Variants in UHRF2 observed in about 807,000 individuals in gnomAD.
The protein encoded by UHRF2 is E3 ubiquitin-protein ligase UHRF2.
In UHRF2, 23 loss-of-function variants were observed where a neutral mutation model predicts 96.8. The observed-to-expected ratio is 0.24, with a 90% CI of 0.17 to 0.34. The LOEUF (loss-of-function observed/expected upper bound fraction) is 0.34. UHRF2 is among the 10% of genes least tolerant of loss of function. UHRF2 has a pLI of 1.00. For synonymous variants in UHRF2, 385 were observed against 332.6 expected, an observed-to-expected ratio of 1.16 and a Z score of -1.72; for missense variants, 685 against 981.5, an observed-to-expected ratio of 0.70 and a Z score of 4.04.
intron 9 of UHRF2, among the ~76,000 whole-genome samples, chr9:6,492,062 A>G (rs1367998315): frequency 2.6e-5 from 4 of 152,120 alleles, no homozygotes; most frequent in Non-Finnish European, 5.9e-5. Context: ...CTGAAATAAT[A>G]TGGTTTGAGC....
At chr9:6,428,806 C>T (rs963762498) in intron 2 of UHRF2, among the ~76,000 whole-genome samples, 1 of 152,046 alleles carries the variant, frequency 6.6e-6, no homozygotes, top group Non-Finnish European at 1.5e-5. Context: ...GCCACTTCCT[C>T]CCAAAGTGCT....
rs114255945 is a variant in UHRF2, at chr9:6,441,574, C to G, written c.644+7401C>G. On this transcript the variant is annotated intron_variant, in intron 3 of 15. Coordinates refer to ENST00000276893, the MANE Select transcript of UHRF2 (RefSeq NM_152896.3). Reference sequence around the variant, plus strand: ...TAAATTCCTTTTGACCCAGCCTTATCCATTACTATCAGGCAACTGCTGCCA... The same window carrying G: ...TAAATTCCTTTTGACCCAGCCTTATGCATTACTATCAGGCAACTGCTGCCA... 8.3e-3 allele frequency among the ~76,000 whole-genome samples: 1,270 copies of G among 152,138 alleles called. 18 individuals are homozygous for G. Among genetic ancestry groups the G allele is most frequent in the African/African-American group, 0.029 (1,194 of 41,508 alleles).
chr9:6,483,794 A>G (rs111746231), intron 8 of UHRF2, among the ~76,000 whole-genome samples: 2,706 of 152,110 alleles, frequency 0.018, 73 homozygotes, highest in African/African-American at 0.062. Context: ...GGTTCAAGCA[A>G]TTCTCCTGCC....
intron 3 of UHRF2, among the ~76,000 whole-genome samples, chr9:6,451,457 T>G (rs368493251): frequency 0.023 from 438 of 18,994 alleles, 2 homozygotes; most frequent in African/African-American, 0.028. Context: ...TCTTACCTAG[T>G]TTTTTTTTGT....
At chr9:6,460,243 A>G (rs1231127841) in intron 3 of UHRF2, among the ~76,000 whole-genome samples, 1 of 152,228 alleles carries the variant, frequency 6.6e-6, no homozygotes, top group Non-Finnish European at 1.5e-5. Context: ...AAAATTGTAT[A>G]TAGCTCCCTC....
intron 2 of UHRF2, among the ~76,000 whole-genome samples, chr9:6,424,466 A>T (rs1820125215): frequency 6.6e-6 from 1 of 152,184 alleles, no homozygotes; most frequent in African/African-American, 2.4e-5. Flanking sequence ...ACCAATACTT[A>T]ATACATTTTT....
Position 6,475,472 on chromosome 9 carries a change from C to T in UHRF2, c.945C>T (p.Pro315=), listed in dbSNP as rs2130892130. The T allele has an allele frequency of 6.3e-7, 1 of 1,594,566 alleles. No individual in the cohort carries two copies. The highest frequency in any genetic ancestry group is 8.5e-7 in the Non-Finnish European group (1 of 1,169,868). The change falls in exon 5 of 16, where the codon CCC becomes CCT. Residue 315 remains proline (P), a synonymous_variant. Transcript: ENST00000276893. ...AGATTGAGAGACCTGGAGCCCATCCCCTTTCATTTGCAGATGGAAAGTTTT... is the reference window on the plus strand; with the variant it reads ...AGATTGAGAGACCTGGAGCCCATCCTCTTTCATTTGCAGATGGAAAGTTTT... ...IFKIERPGAH[P]LSFADGKFLR... is the part of the protein sequence containing the mutation.
chr9:6,413,695 GCTC>G, intron 1 of UHRF2, 52 bp downstream of exon 1: 1 of 1,483,882 alleles, frequency 6.7e-7, no homozygotes, highest in Non-Finnish European at 8.9e-7. Flanking sequence ...GAACAGCTGG[GCTC>G]CTCTGGACGC....
At chr9:6,443,684 TTAG>T (rs1821323283) in intron 3 of UHRF2, among the ~76,000 whole-genome samples, 3 of 152,236 alleles carry the variant, frequency 2.0e-5, no homozygotes, top group African/African-American at 7.2e-5. Flanking sequence ...CACATACTTT[TTAG>T]TATTAAAAGG....
chr9:6,461,911 G>A (rs13284998), intron 4 of UHRF2, among the ~76,000 whole-genome samples: 3,515 of 151,208 alleles, frequency 0.023, 75 homozygotes, highest in Non-Finnish European at 0.038. Flanking sequence ...ATGCATTTTT[G>A]TGCATTTCTT....
intron 3 of UHRF2, among the ~76,000 whole-genome samples, chr9:6,453,605 A>G (rs1464144678): frequency 6.6e-6 from 1 of 152,220 alleles, no homozygotes; most frequent in Non-Finnish European, 1.5e-5. Flanking sequence ...ACACGAGTGT[A>G]TAAATACCAG....
chr9:6,462,858 A>C (rs1348835865), intron 4 of UHRF2, among the ~76,000 whole-genome samples: 1 of 152,178 alleles, frequency 6.6e-6, no homozygotes, highest in Non-Finnish European at 1.5e-5. Context: ...CAGAGGTTGC[A>C]GTAAGCCGAG....
At chr9:6,445,982 T>G (rs1339731536) in intron 3 of UHRF2, among the ~76,000 whole-genome samples, 1 of 35,410 alleles carries the variant, frequency 2.8e-5, no homozygotes. Context: ...CCCGCCACCC[T>G]TTTTTTTTTT....
chr9:6,498,246 C>T, intron 12 of UHRF2, 88 bp downstream of exon 12: 2 of 1,365,416 alleles, frequency 1.5e-6, no homozygotes, highest in Non-Finnish European at 2.0e-6. Flanking sequence ...ATATAACCCA[C>T]AGCAATTGAC....
At chr9:6,445,798 A>C (rs969091631) in intron 3 of UHRF2, among the ~76,000 whole-genome samples, 2 of 152,122 alleles carry the variant, frequency 1.3e-5, no homozygotes, top group Non-Finnish European at 2.9e-5. Context: ...TCCTGGGCTC[A>C]AGCAGTCCTT....
chr9:6,423,950 A>C (rs970025968), intron 2 of UHRF2, among the ~76,000 whole-genome samples: 1 of 104,260 alleles, frequency 9.6e-6, no homozygotes, highest in African/African-American at 3.5e-5. Context: ...GTATCAAAAA[A>C]AATAAATAAA....
intron 2 of UHRF2, among the ~76,000 whole-genome samples, chr9:6,427,947 C>G (rs919623495): frequency 1.3e-5 from 2 of 152,152 alleles, no homozygotes; most frequent in Non-Finnish European, 2.9e-5. Context: ...GATGGACATT[C>G]GAACCTAAGT....
At chr9:6,419,240 C>T (rs1819783827) in intron 1 of UHRF2, among the ~76,000 whole-genome samples, 1 of 152,144 alleles carries the variant, frequency 6.6e-6, no homozygotes, top group African/African-American at 2.4e-5. Flanking sequence ...TTTCTGATTA[C>T]CTCTTTAAAA....
intron 12 of UHRF2, 184 bp from the exon 13 acceptor site, chr9:6,499,651 G>A (rs1364469780): frequency 4.8e-6 from 2 of 414,018 alleles, no homozygotes; most frequent in Non-Finnish European, 8.9e-6. Flanking sequence ...CATAAATTGG[G>A]ATTTTAATAG....
Sources: allele counts gnomAD v4.1 joint callset (sites outside exome capture counted in the v4.1 genomes callset), GRCh38; gene constraint gnomAD v4.1.1; transcripts MANE v1.5; gene names NCBI Gene and HGNC (gene_info 2026-07-23, HGNC 2026-07-21).